CSNK2A2: variants seen among roughly 807,000 people sequenced by gnomAD.
CSNK2A2 encodes casein kinase 2 alpha 2, also known as casein kinase II subunit alpha'.
In CSNK2A2, 8 loss-of-function variants were observed where a neutral mutation model predicts 54.0. The observed-to-expected ratio is 0.15, with a 90% CI of 0.09 to 0.27. The LOEUF (loss-of-function observed/expected upper bound fraction) is 0.27, where lower values mean the gene tolerates loss of function less well. CSNK2A2 is among the 10% of genes least tolerant of loss of function. CSNK2A2 has a pLI of 1.00. For synonymous variants in CSNK2A2, 141 were observed against 153.9 expected (o/e 0.92, Z 0.62); for missense variants, 242 against 439.4 (o/e 0.55, Z 4.02).
chr16:58,189,368 T>C (rs776055065), intron 2 of CSNK2A2, among the ~76,000 whole-genome samples: 1 of 152,100 alleles, frequency 6.6e-6, no homozygotes, highest in Non-Finnish European at 1.5e-5. Context: ...CAGCTATAGA[T>C]CTATAAGAGT....
chr16:58,158,807 A>C (rs1961230461), intron 11 of CSNK2A2: 1 of 152,224 alleles, frequency 6.6e-6, no homozygotes, highest in African/African-American at 2.4e-5. Context: ...AAAAGGGCTG[A>C]GTCCACTAAT....
At chr16:58,182,373 C>CAAA (rs1962064924) in intron 4 of CSNK2A2, among the ~76,000 whole-genome samples, 4 of 12,848 alleles carry the variant, frequency 3.1e-4, no homozygotes, top group African/African-American at 1.4e-3. Context: ...ACTAAATATA[C>CAAA]CAAAAAAAAA....
At position 58,197,519 on chromosome 16, in the gene CSNK2A2, C is replaced by A. The variant is rs1452508754; in HGVS notation, c.104+114G>T. ...CGAGAGCGGGACCTCTGCCTCCCTG[C>A]GGGCCCGCGGAGGGGTCGGCGGGAG... On this transcript the variant is annotated intron_variant, in intron 1 of 11. Transcript: ENST00000262506. The surrounding 1 kb of genome is among the most constrained non-coding windows in gnomAD (Gnocchi z 4.0). 3.9e-6 allele frequency: 2 copies of A among 517,936 alleles called. No homozygotes were observed. The highest frequency in any genetic ancestry group is 6.6e-6 in the Non-Finnish European group (2 of 302,010). 32.1% of individuals were successfully genotyped at this position (517,936 alleles called of 1,614,324 possible).
intron 4 of CSNK2A2, among the ~76,000 whole-genome samples, chr16:58,180,712 T>C (rs1324593984): frequency 6.6e-6 from 1 of 152,178 alleles, no homozygotes; most frequent in East Asian, 1.9e-4. Context: ...TCAAAATTTA[T>C]AATCCATTGC....
chr16:58,163,335 T>TATA (rs1280047972), intron 11 of CSNK2A2: 1 of 151,056 alleles, frequency 6.6e-6, no homozygotes, highest in African/African-American at 2.4e-5. Context: ...CAACAAAGGT[T>TATA]ATAGTGAGCT....
intron 5 of CSNK2A2, among the ~76,000 whole-genome samples, chr16:58,171,295 G>A (rs992804496): frequency 1.2e-4 from 19 of 152,046 alleles, no homozygotes; most frequent in African/African-American, 3.4e-4. Flanking sequence ...GGGCCAAGGC[G>A]GGCAGATCAC....
At chr16:58,162,993 A>G (rs1961430384) in intron 11 of CSNK2A2, 1 of 152,142 alleles carries the variant, frequency 6.6e-6, no homozygotes, top group South Asian at 2.1e-4. Flanking sequence ...CAGAACTTAC[A>G]AATGCATATT....
intron 5 of CSNK2A2, among the ~76,000 whole-genome samples, chr16:58,171,437 T>A (rs533651040): frequency 6.8e-4 from 103 of 152,100 alleles, no homozygotes; most frequent in African/African-American, 2.4e-3. Context: ...GCGGGAGAAC[T>A]GCTTGAACCC....
At chr16:58,165,481 G>T in intron 10 of CSNK2A2, 79 bp downstream of exon 10, 1 of 1,406,710 alleles carries the variant, frequency 7.1e-7, no homozygotes, top group South Asian at 1.6e-5. Context: ...GAATTCTCCT[G>T]ACTGGTCTCA....
At position 58,197,634 on chromosome 16, in the gene CSNK2A2, C is replaced by A; in HGVS notation, c.103G>T (p.Gly35Cys). 1 of 1,566,478 alleles carries A rather than the reference C, an allele frequency of 6.4e-7. No homozygotes were observed. The highest frequency in any genetic ancestry group is 8.6e-7 in the Non-Finnish European group (1 of 1,158,832). The change falls in exon 1 of 12, where the codon GGT becomes TGT. Residue 35 changes from glycine (G) to cysteine (C), a missense_variant and splice_region_variant. Transcript: ENST00000262506. The surrounding 1 kb of genome is among the most constrained non-coding windows in gnomAD (Gnocchi z 4.0). ...WDYEAHVPSW[G>C]NQDDYQLVRK... ...GGCGGGGGGCGGCGACGGCTTTACC[C>A]CCAGCTCGGGACGTGAGCCTCGTAG...
At chr16:58,171,509 A>C (rs1014684873) in intron 5 of CSNK2A2, among the ~76,000 whole-genome samples, 1 of 151,896 alleles carries the variant, frequency 6.6e-6, no homozygotes, top group African/African-American at 2.4e-5. Flanking sequence ...GGCGACAGAT[A>C]AAAAAAGAAA....
At chr16:58,168,821 AT>A (rs1961646511) in intron 5 of CSNK2A2, 128 bp from the exon 6 acceptor site, 1 of 680,036 alleles carries the variant, frequency 1.5e-6, no homozygotes, top group African/African-American at 1.8e-5. Context: ...GCTGCCTGTA[AT>A]GAAAGAGAAA....
chr16:58,185,336 C>T (rs1262665611), intron 3 of CSNK2A2, among the ~76,000 whole-genome samples: 1 of 152,150 alleles, frequency 6.6e-6, no homozygotes. Context: ...TCAGTATTAC[C>T]ACTTCTCTCA....
chr16:58,167,914 G>A (rs2142413326), intron 6 of CSNK2A2, 119 bp from the exon 7 acceptor site: 1 of 734,502 alleles, frequency 1.4e-6, no homozygotes, highest in Non-Finnish European at 2.4e-6. Flanking sequence ...GTGAGCAGGT[G>A]CACTGGCTTA....
chr16:58,188,572 C>T (rs1962250275), intron 2 of CSNK2A2, among the ~76,000 whole-genome samples: 1 of 152,182 alleles, frequency 6.6e-6, no homozygotes, highest in Non-Finnish European at 1.5e-5. Flanking sequence ...TTTTCCTTTG[C>T]TATAAAGAAC....
intron 5 of CSNK2A2, among the ~76,000 whole-genome samples, chr16:58,170,893 A>AC (rs1961716417): frequency 6.6e-6 from 1 of 152,116 alleles, no homozygotes; most frequent in Admixed American, 6.5e-5. Context: ...CTATCTTCAT[A>AC]AACTTCAAAT....
intron 11 of CSNK2A2, chr16:58,163,253 C>CAAAAAAAAAAAAAAAAAAAAAAAAAA: frequency 1.5e-5 from 1 of 66,598 alleles, no homozygotes; most frequent in Non-Finnish European, 2.8e-5. Flanking sequence ...ACAAGGCTGC[C>CAAAAAAAAAAAAAAAAAAAAAAAAAA]AAAAAAAAAA....
At chr16:58,196,193 G>A (rs1962439924) in intron 2 of CSNK2A2, among the ~76,000 whole-genome samples, 2 of 152,082 alleles carry the variant, frequency 1.3e-5, no homozygotes, top group Non-Finnish European at 2.9e-5. Context: ...TTTGCTTTAG[G>A]GAATTTACAT....
intron 5 of CSNK2A2, among the ~76,000 whole-genome samples, chr16:58,170,238 C>T (rs775104514): frequency 6.6e-6 from 1 of 151,952 alleles, no homozygotes; most frequent in African/African-American, 2.4e-5. Context: ...TAGTCAATCC[C>T]CTTTCCTAAC....
Sources: gnomAD v4.1 joint callset for allele counts (sites outside exome capture counted in the v4.1 genomes callset) on GRCh38, gnomAD v4.1.1 for gene constraint, Gnocchi (gnomAD v3.1) non-coding constraint, MANE v1.5 for transcripts, NCBI Gene and HGNC (gene_info 2026-07-23, HGNC 2026-07-21) for gene names.